STAG1: variants seen among roughly 807,000 people sequenced by gnomAD.
The protein encoded by STAG1 is STAG1 cohesin complex component, also known as cohesin subunit SA-1.
A neutral mutation model predicts 170.9 loss-of-function variants in STAG1; 26 were observed. The observed-to-expected ratio is 0.15, with a 90% CI of 0.11 to 0.21. The LOEUF (loss-of-function observed/expected upper bound fraction) is 0.21. Ranked by LOEUF, STAG1 falls within the 10% of genes least tolerant of loss-of-function variation. The probability of loss-of-function intolerance (pLI) is 1.00; values close to 1 mark genes in which losing one functional copy is unlikely to be tolerated. For missense variants in STAG1, 964 were observed against 1,509.5 expected (o/e 0.64, Z 5.99); for synonymous variants, 514 against 497.7 (o/e 1.03, Z -0.44).
At chr3:136,630,484 G>A (rs908162341) in intron 2 of STAG1, among the ~76,000 whole-genome samples, 5 of 152,098 alleles carry the variant, frequency 3.3e-5, no homozygotes, top group Admixed American at 6.6e-5. Context: ...GGCTTTCCAC[G>A]CAATACTATC....
chr3:136,474,932 C>G (rs1192565561), intron 10 of STAG1, among the ~76,000 whole-genome samples: 1 of 152,048 alleles, frequency 6.6e-6, no homozygotes, highest in Non-Finnish European at 1.5e-5. Flanking sequence ...CCTTCTCTCG[C>G]CCAGGTTGAG....
At chr3:136,512,262 T>G (rs1354082047) in intron 7 of STAG1, among the ~76,000 whole-genome samples, 1 of 152,078 alleles carries the variant, frequency 6.6e-6, no homozygotes, top group Non-Finnish European at 1.5e-5. Flanking sequence ...GTTGTAATCA[T>G]GCCACTGCAC....
chr3:136,747,440 G>C (rs4502535), intron 1 of STAG1, among the ~76,000 whole-genome samples: 1 of 152,154 alleles, frequency 6.6e-6, no homozygotes, highest in Non-Finnish European at 1.5e-5. Context: ...TGTAATCCCA[G>C]CACCTTGGGA....
chr3:136,502,498 A>G (rs989197285), intron 8 of STAG1, 130 bp downstream of exon 8: 2 of 999,864 alleles, frequency 2.0e-6, no homozygotes, highest in African/African-American at 3.3e-5. Context: ...CTTCATTTGG[A>G]AACCCTGACA....
intron 1 of STAG1, among the ~76,000 whole-genome samples, chr3:136,667,157 T>C (rs1477063763): frequency 2.0e-5 from 3 of 152,034 alleles, no homozygotes; most frequent in Non-Finnish European, 2.9e-5. Flanking sequence ...AAAAATAACA[T>C]CACCAGTAAA....
intron 1 of STAG1, among the ~76,000 whole-genome samples, chr3:136,701,687 A>G (rs1463832148): frequency 1.3e-5 from 2 of 152,208 alleles, no homozygotes; most frequent in Non-Finnish European, 2.9e-5. Flanking sequence ...GGATTAAAAT[A>G]GATCATCTAA....
chr3:136,639,056 T>C (rs959297306), intron 1 of STAG1, among the ~76,000 whole-genome samples: 3 of 151,702 alleles, frequency 2.0e-5, no homozygotes, highest in Non-Finnish European at 2.9e-5. Context: ...ACTAAATATA[T>C]GAGAGAATGC....
intron 4 of STAG1, among the ~76,000 whole-genome samples, chr3:136,572,472 G>C (rs1279317790): frequency 2.0e-5 from 3 of 151,348 alleles, no homozygotes; most frequent in African/African-American, 7.3e-5. Flanking sequence ...GCACACCTGT[G>C]GTCCCAGCTA....
At chr3:136,441,247 G>GGTCTCAAACTCCTGA (rs1268750450) in intron 15 of STAG1, among the ~76,000 whole-genome samples, 1 of 151,934 alleles carries the variant, frequency 6.6e-6, no homozygotes, top group African/African-American at 2.4e-5. Context: ...TGGCGAGGCT[G>GGTCTCAAACTCCTGA]GTCTCAAACT....
At chr3:136,561,939 G>A (rs765428084) in intron 5 of STAG1, among the ~76,000 whole-genome samples, 43 of 151,470 alleles carry the variant, frequency 2.8e-4, no homozygotes, top group Non-Finnish European at 4.7e-4. Context: ...ATTTACATCC[G>A]TTTTATCCTT....
rs190902907 is a variant in STAG1, at chr3:136,459,653, G to A, written c.1313+5228C>T. 3.5e-4 allele frequency among the ~76,000 whole-genome samples: 54 copies of A among 152,270 alleles called. 1 individual carries two copies. The highest frequency in any genetic ancestry group is 4.6e-4 in the Non-Finnish European group (31 of 68,010). On this transcript the variant is annotated intron_variant, in intron 13 of 33. Transcript: ENST00000383202. ...GTCAATAGATTTTAAAATATTGAAT[G>A]CATATTGAGTATCTTTTTTAACCAT...
intron 2 of STAG1, among the ~76,000 whole-genome samples, chr3:136,630,632 T>A (rs1940296426): frequency 6.6e-6 from 1 of 152,246 alleles, no homozygotes; most frequent in Non-Finnish European, 1.5e-5. Context: ...TGACTCCTGA[T>A]ATAGGACATT....
intron 1 of STAG1, chr3:136,736,774 T>C: frequency 3.8e-6 from 6 of 1,598,756 alleles, no homozygotes; most frequent in Non-Finnish European, 5.1e-6. Flanking sequence ...TATATACAGC[T>C]TGTTTGAACA....
chr3:136,701,629 C>T (rs1197077319), intron 1 of STAG1, among the ~76,000 whole-genome samples: 3 of 152,148 alleles, frequency 2.0e-5, no homozygotes, highest in Non-Finnish European at 2.9e-5. Context: ...CATCAATTTT[C>T]TCAACTGAAA....
chr3:136,555,306 G>C (rs1936565307), intron 5 of STAG1, among the ~76,000 whole-genome samples: 1 of 151,382 alleles, frequency 6.6e-6, no homozygotes, highest in Non-Finnish European at 1.5e-5. Context: ...GAAGTCCTGA[G>C]TTCAAGACCA....
intron 1 of STAG1, among the ~76,000 whole-genome samples, chr3:136,639,440 T>A (rs918346362): frequency 6.6e-6 from 1 of 152,212 alleles, no homozygotes; most frequent in Non-Finnish European, 1.5e-5. Context: ...AAAAATTACA[T>A]GCTTTTAAAT....
chr3:136,465,029 T>G, intron 12 of STAG1, 41 bp from the exon 13 acceptor site: 1 of 1,421,402 alleles, frequency 7.0e-7, no homozygotes, highest in Non-Finnish European at 9.6e-7. Flanking sequence ...AAAGCAAATG[T>G]TTATTTTCCT....
intron 9 of STAG1, among the ~76,000 whole-genome samples, chr3:136,484,304 C>A (rs1481584226): frequency 2.0e-5 from 3 of 151,414 alleles, no homozygotes; most frequent in Non-Finnish European, 4.4e-5. Context: ...ACAGACAGGA[C>A]CCTCAGCTGC....
intron 29 of STAG1, among the ~76,000 whole-genome samples, chr3:136,345,461 T>G (rs916864639): frequency 4.0e-5 from 6 of 148,964 alleles, no homozygotes; most frequent in Admixed American, 1.3e-4. Context: ...AGTTGTTTTT[T>G]TTTTTTTTTT....
Sources: gnomAD v4.1 joint callset for allele counts (sites outside exome capture counted in the v4.1 genomes callset) on GRCh38, gnomAD v4.1.1 for gene constraint, MANE v1.5 for transcripts, NCBI Gene and HGNC (gene_info 2026-07-23, HGNC 2026-07-21) for gene names.